STAG1: variants seen among roughly 807,000 people sequenced by gnomAD.
STAG1 encodes STAG1 cohesin complex component.
STAG1 carries 26 observed loss-of-function variants against 170.9 expected under a neutral mutation model. That is an observed-to-expected ratio of 0.15 (90% CI 0.11 to 0.21). The LOEUF (loss-of-function observed/expected upper bound fraction) is 0.21, where lower values mean the gene tolerates loss of function less well. Ranked by LOEUF, STAG1 falls within the 10% of genes least tolerant of loss-of-function variation. The pLI, the probability that STAG1 is intolerant of heterozygous loss-of-function variation, is 1.00. For synonymous variants in STAG1, 514 were observed against 497.7 expected (o/e 1.03, Z -0.44); for missense variants, 964 against 1,509.5 (o/e 0.64, Z 5.99).
At chr3:136,398,010 G>A (rs1008098871) in intron 22 of STAG1, among the ~76,000 whole-genome samples, 2 of 151,880 alleles carry the variant, frequency 1.3e-5, no homozygotes, top group Admixed American at 6.6e-5. Context: ...ACAATGGCGC[G>A]ATCTTGGCTC....
At chr3:136,647,861 C>T (rs1439398297) in intron 1 of STAG1, among the ~76,000 whole-genome samples, 2 of 152,166 alleles carry the variant, frequency 1.3e-5, no homozygotes, top group Non-Finnish European at 2.9e-5. Context: ...AAAAACCTTA[C>T]TATAATCCCA....
At chr3:136,424,915 C>A (rs1027175306) in intron 16 of STAG1, among the ~76,000 whole-genome samples, 12 of 152,058 alleles carry the variant, frequency 7.9e-5, no homozygotes, top group African/African-American at 2.2e-4. Flanking sequence ...TCTCGGCTCA[C>A]CGCAACCTCT....
chr3:136,379,384 A>T (rs1937809374), intron 22 of STAG1, among the ~76,000 whole-genome samples: 1 of 152,106 alleles, frequency 6.6e-6, no homozygotes, highest in South Asian at 2.1e-4. Flanking sequence ...GCTACAGAAA[A>T]AGGTATTCCA....
chr3:136,714,074 C>T (rs1381151700), intron 1 of STAG1, among the ~76,000 whole-genome samples: 1 of 151,820 alleles, frequency 6.6e-6, no homozygotes, highest in Non-Finnish European at 1.5e-5. Context: ...GGCAAGGTGG[C>T]TCATGCTCAG....
At chr3:136,414,240 A>T (rs2087709449) in intron 21 of STAG1, among the ~76,000 whole-genome samples, 2 of 152,190 alleles carry the variant, frequency 1.3e-5, no homozygotes, top group Non-Finnish European at 2.9e-5. Flanking sequence ...ATGCTGTTTG[A>T]CAACATTTTC....
intron 13 of STAG1, among the ~76,000 whole-genome samples, chr3:136,461,175 C>A (rs1216414726): frequency 6.6e-6 from 1 of 152,068 alleles, no homozygotes; most frequent in African/African-American, 2.4e-5. Flanking sequence ...AAAGATGAAA[C>A]ACATCTCAAA....
intron 1 of STAG1, among the ~76,000 whole-genome samples, chr3:136,714,582 G>A (rs1157486223): frequency 2.0e-5 from 3 of 151,694 alleles, no homozygotes; most frequent in African/African-American, 7.3e-5. Context: ...CAAAAAATTA[G>A]CCGGGCGTGG....
intron 5 of STAG1, among the ~76,000 whole-genome samples, chr3:136,553,803 G>C (rs1559875824): frequency 6.6e-6 from 1 of 152,090 alleles, no homozygotes; most frequent in Non-Finnish European, 1.5e-5. Context: ...GTAGAGAAAA[G>C]AAAGACAAAT....
chr3:136,362,605 C>CAAAAAAAAAAAAAA (rs1237413699), intron 26 of STAG1, among the ~76,000 whole-genome samples: 3 of 42,446 alleles, frequency 7.1e-5, no homozygotes, highest in Admixed American at 2.4e-4. Flanking sequence ...ATCATCTCTG[C>CAAAAAAAAAAAAAA]AAAAAAAAAA....
At chr3:136,709,661 G>A (rs1289168047) in intron 1 of STAG1, among the ~76,000 whole-genome samples, 1 of 151,996 alleles carries the variant, frequency 6.6e-6, no homozygotes, top group Admixed American at 6.6e-5. Context: ...CTTGATCCCA[G>A]GAGTTCAAGG....
chr3:136,603,847 A>C (rs1306529452), intron 4 of STAG1, among the ~76,000 whole-genome samples: 5 of 152,166 alleles, frequency 3.3e-5, no homozygotes, highest in Non-Finnish European at 2.9e-5. Flanking sequence ...AGATCGTGCC[A>C]CTGCACTCCA....
intron 3 of STAG1, among the ~76,000 whole-genome samples, chr3:136,621,718 A>C (rs2107829197): frequency 6.6e-6 from 1 of 152,252 alleles, no homozygotes; most frequent in South Asian, 2.1e-4. Flanking sequence ...AGGAGTAATT[A>C]ATTAAAAATT....
chr3:136,360,536 T>G (rs1417598854), intron 26 of STAG1, among the ~76,000 whole-genome samples: 1 of 152,234 alleles, frequency 6.6e-6, no homozygotes, highest in Non-Finnish European at 1.5e-5. Context: ...TTCACTGAAA[T>G]AGCTCCTGGG....
chr3:136,377,796 C>G (rs752155587), intron 22 of STAG1, 44 bp from the exon 23 acceptor site: 1 of 1,506,956 alleles, frequency 6.6e-7, no homozygotes, highest in Non-Finnish European at 9.2e-7. Flanking sequence ...TACAGGATCA[C>G]AGAAAACTGA....
intron 21 of STAG1, among the ~76,000 whole-genome samples, chr3:136,416,248 C>T (rs2087768665): frequency 6.6e-6 from 1 of 152,116 alleles, no homozygotes; most frequent in African/African-American, 2.4e-5. Context: ...CCTTGTGATC[C>T]GCCCACCTTG....
intron 3 of STAG1, among the ~76,000 whole-genome samples, chr3:136,610,545 T>C (rs556188898): frequency 6.6e-6 from 1 of 152,296 alleles, no homozygotes; most frequent in African/African-American, 2.4e-5. Context: ...TAACAGCTTA[T>C]CAACATGTGA....
intron 16 of STAG1, among the ~76,000 whole-genome samples, chr3:136,424,505 T>G (rs545733647): frequency 8.5e-5 from 13 of 152,142 alleles, no homozygotes; most frequent in South Asian, 4.1e-4. Flanking sequence ...GGGCTAAGTT[T>G]TGTATTTTTG....
intron 1 of STAG1, chr3:136,721,642 C>T (rs1020612420): frequency 6.6e-6 from 1 of 152,258 alleles, no homozygotes; most frequent in Non-Finnish European, 1.5e-5. Flanking sequence ...GTAATCCCAG[C>T]ACTTCAGGAG....
In STAG1 at chr3:136,477,423, A is replaced by AG; in HGVS notation, c.903-12_903-11insC. 2 of 1,581,448 alleles carry AG rather than the reference A, an allele frequency of 1.3e-6. No homozygotes were observed. The highest frequency in any genetic ancestry group is 1.7e-6 in the Non-Finnish European group (2 of 1,167,540). ...TCAGCAATAGCATCACTAGAGAGAG[A>AG]AAAAAAAGACAATCTCAAATTAATA... is the stretch of plus-strand genomic sequence containing the variant. On this transcript the variant is annotated splice_polypyrimidine_tract_variant and intron_variant, in intron 9 of 33. Transcript: ENST00000383202.
Sources: gnomAD v4.1 joint callset for allele counts (sites outside exome capture counted in the v4.1 genomes callset) on GRCh38, gnomAD v4.1.1 for gene constraint, MANE v1.5 for transcripts, NCBI Gene and HGNC (gene_info 2026-07-23, HGNC 2026-07-21) for gene names.